Variants in HSD11B1 observed in about 807,000 individuals in gnomAD.
The protein encoded by HSD11B1 is hydroxysteroid 11-beta dehydrogenase 1.
HSD11B1 carries 15 observed loss-of-function variants against 22.1 expected under a neutral mutation model. The ratio of observed to expected loss-of-function variants is 0.68; its 90% confidence interval spans 0.45 to 1.04. HSD11B1 has a LOEUF of 1.04. Among genes scored for constraint, HSD11B1 ranks in the 50% least tolerant of loss-of-function variants. The probability of loss-of-function intolerance (pLI) is 0.00; values close to 1 mark genes in which losing one functional copy is unlikely to be tolerated. For missense variants in HSD11B1, 281 were observed against 357.6 expected, an observed-to-expected ratio of 0.79 and a Z score of 1.73; for synonymous variants, 122 against 125.2, an observed-to-expected ratio of 0.97 and a Z score of 0.17.
chr1:209,707,859 A>AT (rs1241390738), intron 4 of HSD11B1, among the ~76,000 whole-genome samples: 1 of 152,184 alleles, frequency 6.6e-6, no homozygotes, highest in Non-Finnish European at 1.5e-5. Flanking sequence ...TGAGAAGTTA[A>AT]CTGTTTTAAC....
upstream of HSD11B1, among the ~76,000 whole-genome samples, chr1:209,700,449 C>T (rs1293513395): frequency 6.6e-6 from 1 of 152,212 alleles, no homozygotes; most frequent in East Asian, 1.9e-4. Context: ...GGACACAGGG[C>T]ACCAAGTCCC....
intron 1 of HSD11B1, among the ~76,000 whole-genome samples, chr1:209,688,893 G>A (rs764530483): frequency 1.8e-4 from 27 of 152,178 alleles, no homozygotes; most frequent in Non-Finnish European, 3.4e-4. Flanking sequence ...GATGGAAAGT[G>A]GATGGATGAG....
At chr1:209,691,651 C>T (rs2076760373) in intron 1 of HSD11B1, among the ~76,000 whole-genome samples, 1 of 151,986 alleles carries the variant, frequency 6.6e-6, no homozygotes, top group Non-Finnish European at 1.5e-5. Context: ...TCAATGAAGA[C>T]TAGAAGAAAA....
chr1:209,726,801 T>C (rs1178276155), intron 4 of HSD11B1, among the ~76,000 whole-genome samples: 1 of 152,212 alleles, frequency 6.6e-6, no homozygotes. Context: ...GGATAGGCAA[T>C]GTGATGCATG....
intron 4 of HSD11B1, among the ~76,000 whole-genome samples, chr1:209,707,551 C>T (rs17015042): frequency 2.1e-3 from 324 of 152,040 alleles, no homozygotes; most frequent in African/African-American, 7.6e-3. Context: ...ATGAGAGGCA[C>T]GCATCCTGAG....
At position 209,707,110 on chromosome 1, in the gene HSD11B1, G is replaced by A. The variant is rs755445627; in HGVS notation, c.499G>A (p.Val167Ile). 3.1e-6 allele frequency: 5 copies of A among 1,613,836 alleles called. No individual in the cohort carries two copies. In the African/African-American group the frequency reaches 5.3e-5, roughly 17 times the overall value. The change falls in exon 4 of 6, where the codon GTC (valine) becomes ATC (isoleucine). Residue 167 changes from valine (V) to isoleucine (I), a missense_variant. Physicochemically the swap from Val to Ile is conservative, Grantham distance 29. Transcript: ENST00000367027. The part of the protein sequence containing the change: ...MLKQSNGSIV[V>I]VSSLAGKVAY... ...GAAGCAGAGCAATGGAAGCATTGTT[G>A]TCGTCTCCTCTCTGGCTGGTAAGTG...
intron 4 of HSD11B1, 125 bp from the exon 5 acceptor site, chr1:209,732,311 G>A: frequency 1.0e-6 from 1 of 993,744 alleles, no homozygotes; most frequent in Non-Finnish European, 1.6e-6. Flanking sequence ...CTTCCATGGG[G>A]AATATAGAGA....
chr1:209,721,091 G>A (rs910213033), intron 4 of HSD11B1, among the ~76,000 whole-genome samples: 1 of 152,162 alleles, frequency 6.6e-6, no homozygotes, highest in Admixed American at 6.5e-5. Flanking sequence ...ACTAGAAGCT[G>A]GAAGAGGCAA....
rs545874935 is a variant in HSD11B1 at position 209,705,624 on chromosome 1, C to T, written c.89-187C>T. 2.9e-4 allele frequency among the ~76,000 whole-genome samples: 44 copies of T among 152,300 alleles called. 1 individual carries two copies. The highest frequency in any genetic ancestry group is 1.0e-3 in the African/African-American group (42 of 41,574). Reference sequence around the variant, plus strand: ...AGGGAGGCTGTCAGCCCAAACCTCCCACTTCAGAGCATGTTTATGAAAGAC... The same window carrying T: ...AGGGAGGCTGTCAGCCCAAACCTCCTACTTCAGAGCATGTTTATGAAAGAC... On this transcript the variant is annotated intron_variant, in intron 1 of 5. Coordinates refer to ENST00000367027, the MANE Select transcript of HSD11B1 (RefSeq NM_005525.4).
chr1:209,697,704 G>C (rs1280951994), intron 1 of HSD11B1, among the ~76,000 whole-genome samples: 2 of 151,948 alleles, frequency 1.3e-5, no homozygotes, highest in African/African-American at 4.8e-5. Flanking sequence ...CTCCACTTTG[G>C]TAAAGGTAGA....
At chr1:209,692,874 G>A (rs1435923100) in intron 1 of HSD11B1, among the ~76,000 whole-genome samples, 1 of 152,152 alleles carries the variant, frequency 6.6e-6, no homozygotes, top group African/African-American at 2.4e-5. Context: ...GGGAATCACT[G>A]GACTAGAGTG....
chr1:209,698,022 A>G (rs1467967191), intron 1 of HSD11B1, among the ~76,000 whole-genome samples: 2 of 149,410 alleles, frequency 1.3e-5, no homozygotes, highest in Non-Finnish European at 3.0e-5. Context: ...GAGCCACCAA[A>G]CCTGGCTTGA....
In HSD11B1 at chr1:209,706,767, T is replaced by C. The variant is rs1218453953; in HGVS notation, c.278T>C (p.Met93Thr). The C allele has an allele frequency of 1.9e-6, 3 of 1,614,086 alleles. No homozygotes were observed. Among genetic ancestry groups the C allele is most frequent in the African/African-American group, 1.3e-5 (1 of 75,036 alleles). ...AASAHYIAGT[M>T]EDMTFAEQFV... ...TCAGCACACTACATTGCTGGCACCATGGAAGACATGACCTTCGCAGAGCAA... is the reference window on the plus strand; with the variant it reads ...TCAGCACACTACATTGCTGGCACCACGGAAGACATGACCTTCGCAGAGCAA... Residue 93 changes from methionine to threonine, a missense_variant, in exon 3 of 6, where the codon ATG becomes ACG. Physicochemically the swap from Met to Thr is moderately conservative, Grantham distance 81. Coordinates refer to ENST00000367027, the MANE Select transcript of HSD11B1 (RefSeq NM_005525.4). The surrounding 1 kb of genome is among the most constrained non-coding windows in gnomAD (Gnocchi z 4.0).
chr1:209,687,610 G>A (rs554133951), intron 1 of HSD11B1, among the ~76,000 whole-genome samples: 4 of 152,336 alleles, frequency 2.6e-5, no homozygotes, highest in Non-Finnish European at 5.9e-5. Context: ...CTTGCCCAAA[G>A]TCACATGTAT....
chr1:209,710,687 T>C (rs1000398570), intron 4 of HSD11B1, among the ~76,000 whole-genome samples: 1 of 152,132 alleles, frequency 6.6e-6, no homozygotes, highest in Non-Finnish European at 1.5e-5. Flanking sequence ...AAATGCAAGG[T>C]ATATTTTGAA....
At chr1:209,704,270 G>A (rs140573388), upstream of HSD11B1, among the ~76,000 whole-genome samples, 26 of 152,118 alleles carry the variant, frequency 1.7e-4, no homozygotes, top group Middle Eastern at 6.8e-3. Context: ...TGGATTTCCC[G>A]CCATCTGGGT....
At chr1:209,719,513 G>A (rs972150287) in intron 4 of HSD11B1, among the ~76,000 whole-genome samples, 6 of 152,156 alleles carry the variant, frequency 3.9e-5, no homozygotes, top group Admixed American at 6.5e-5. Flanking sequence ...GGTGGTGATG[G>A]TTGCACAGTA....
At chr1:209,707,373 G>A (rs1360459786) in intron 4 of HSD11B1, among the ~76,000 whole-genome samples, 1 of 152,182 alleles carries the variant, frequency 6.6e-6, no homozygotes, top group Non-Finnish European at 1.5e-5. Context: ...AGGGGCTGCT[G>A]GAGGTACAGC....
intron 4 of HSD11B1, among the ~76,000 whole-genome samples, chr1:209,730,741 C>A: frequency 6.6e-6 from 1 of 152,138 alleles, no homozygotes; most frequent in East Asian, 1.9e-4. Context: ...TATTAAATAA[C>A]CCATCCTTTC....
Sources: allele counts gnomAD v4.1 joint callset (sites outside exome capture counted in the v4.1 genomes callset), GRCh38; gene constraint gnomAD v4.1.1; non-coding constraint Gnocchi (gnomAD v3.1); transcripts MANE v1.5; gene names NCBI Gene and HGNC (gene_info 2026-07-23, HGNC 2026-07-21).